The following MDN1 variants were observed in gnomAD, a reference collection of about 807,000 sequenced individuals.
MDN1 encodes midasin AAA ATPase 1, also known as midasin.
A neutral mutation model predicts 669.2 loss-of-function variants in MDN1; 266 were observed. That is an observed-to-expected ratio of 0.40 (90% CI 0.36 to 0.44). The LOEUF is 0.44. Among genes scored for constraint, MDN1 ranks in the 20% least tolerant of loss-of-function variants. The pLI is 1.00. For missense variants in MDN1, 5,940 were observed against 6,754.0 expected (o/e 0.88, Z 4.22); for synonymous variants, 2,385 against 2,457.1 (o/e 0.97, Z 0.87).
intron 37 of MDN1, among the ~76,000 whole-genome samples, chr6:89,726,479 A>C (rs1176563000): frequency 7.0e-6 from 1 of 142,892 alleles, no homozygotes; most frequent in East Asian, 2.1e-4. Context: ...AAAAAGAAAA[A>C]TAGAAAAAAA....
chr6:89,786,206 C>T (rs1467407860), intron 8 of MDN1, among the ~76,000 whole-genome samples: 2 of 152,026 alleles, frequency 1.3e-5, no homozygotes, highest in Non-Finnish European at 2.9e-5. Context: ...TTGCAGTGAG[C>T]CAAATCATGC....
rs370736635 is a variant in MDN1, at chr6:89,758,867, A to G, written c.2554T>C (p.Leu852=). 1.9e-6 allele frequency: 3 copies of G among 1,614,052 alleles called. No individual in the cohort carries two copies. The African/African-American group carries it at 4.0e-5, about 22-fold the overall frequency. ...AGGGATCCAGAAGATCCTTCAAGCA[A>G]ACCACTCAGACATTCTAGTATTTCT... ...APEILECLSG[L]LEGSSGSLVL... The change falls in exon 18 of 102, where the codon TTG becomes CTG. Residue 852 remains leucine (L), a synonymous_variant. Transcript: ENST00000369393.
chr6:89,673,133 T>A (rs966108876), intron 80 of MDN1, 103 bp downstream of exon 80: 2 of 1,057,806 alleles, frequency 1.9e-6, no homozygotes, highest in African/African-American at 3.1e-5. Flanking sequence ...GACAGGTACA[T>A]GTAGACCAAA....
chr6:89,654,133 T>C (rs1440006200), intron 93 of MDN1, 31 bp downstream of exon 93: 2 of 1,612,712 alleles, frequency 1.2e-6, no homozygotes, highest in South Asian at 2.2e-5. Flanking sequence ...TCAGAGCGCC[T>C]GGGAAGGGTT....
Position 89,747,346 on chromosome 6 carries a change from T to C in MDN1, c.3887A>G (p.Gln1296Arg), listed in dbSNP as rs762328843. The change falls in exon 27 of 102, where the codon CAG (glutamine) becomes CGG (arginine). Residue 1296 changes from glutamine to arginine, a missense_variant. Physicochemically the swap from Gln to Arg is conservative, Grantham distance 43. This residue lies in a region of MDN1 where 2,292 missense variants were observed against 2,638.3 expected (regional missense o/e 0.87). Coordinates refer to ENST00000369393, the MANE Select transcript of MDN1 (RefSeq NM_014611.3). ...EPTEKEYDWL[Q>R]HLANDGYMLL... Reference sequence around the variant, plus strand: ...AAACACACCATCATTGGCTAAATGCTGTAGCCAGTCATACTCCTTCTCGGT... The same window carrying C: ...AAACACACCATCATTGGCTAAATGCCGTAGCCAGTCATACTCCTTCTCGGT... 13 of 1,613,868 alleles carry C rather than the reference T, an allele frequency of 8.1e-6. No individual in the cohort carries two copies. The South Asian group carries it at 1.1e-4, about 14-fold the overall frequency.
intron 82 of MDN1, among the ~76,000 whole-genome samples, chr6:89,671,789 AG>A (rs1810792765): frequency 6.6e-6 from 1 of 152,258 alleles, no homozygotes; most frequent in South Asian, 2.1e-4. Context: ...CTGCAAAGTA[AG>A]TTGCTTCTCT....
intron 85 of MDN1, among the ~76,000 whole-genome samples, chr6:89,663,394 T>G (rs1450559546): frequency 1.3e-5 from 2 of 152,192 alleles, no homozygotes; most frequent in Non-Finnish European, 2.9e-5. Context: ...TGTCTTCATT[T>G]GTCTTTGCAC....
In MDN1 at chr6:89,690,787, C is replaced by T; in HGVS notation, c.10635G>A (p.Lys3545=). ...TATACAGGCCGCTTTCCTGCTCAGC[C>T]TTCTCTTGGGCTATGCGTTCCTGCT... ...WDEQERIAQE[K]AEQESGLYRY... is the part of the protein sequence containing the mutation. The change falls in exon 64 of 102, where the codon AAG becomes AAA. Residue 3545 remains lysine, a synonymous_variant. Coordinates refer to ENST00000369393, the MANE Select transcript of MDN1 (RefSeq NM_014611.3). 1 of 1,614,148 alleles carries T rather than the reference C, an allele frequency of 6.2e-7. No homozygotes were observed. Among genetic ancestry groups the T allele is most frequent in the Non-Finnish European group, 8.5e-7 (1 of 1,180,024 alleles).
intron 29 of MDN1, 33 bp from the exon 30 acceptor site, chr6:89,743,747 T>A: frequency 1.3e-6 from 2 of 1,598,412 alleles, no homozygotes; most frequent in Non-Finnish European, 1.7e-6. Flanking sequence ...TAACAAGGCA[T>A]GTGTTTCAAA....
At chr6:89,697,708 A>G (rs1009177144) in intron 59 of MDN1, among the ~76,000 whole-genome samples, 6 of 151,948 alleles carry the variant, frequency 3.9e-5, no homozygotes, top group African/African-American at 1.5e-4. Flanking sequence ...CAGCCTCCCA[A>G]GTAGCTGGGA....
intron 11 of MDN1, among the ~76,000 whole-genome samples, chr6:89,779,211 T>C (rs1818516952): frequency 1.3e-5 from 2 of 152,184 alleles, no homozygotes; most frequent in Non-Finnish European, 2.9e-5. Flanking sequence ...GGTCTCAAAT[T>C]CAGTAGAAAT....
chr6:89,794,448 C>T (rs1243696276), intron 3 of MDN1, 129 bp downstream of exon 3: 2 of 905,182 alleles, frequency 2.2e-6, no homozygotes, highest in Non-Finnish European at 3.4e-6. Context: ...GGAAGTAAAA[C>T]CCCAAAAGCC....
intron 44 of MDN1, among the ~76,000 whole-genome samples, chr6:89,716,201 A>G (rs1470345336): frequency 6.6e-6 from 1 of 152,222 alleles, no homozygotes; most frequent in Non-Finnish European, 1.5e-5. Context: ...TATATGTACA[A>G]TAGTTTCACA....
At chr6:89,694,002 C>T in intron 62 of MDN1, 72 bp downstream of exon 62, 3 of 1,238,236 alleles carry the variant, frequency 2.4e-6, no homozygotes, top group Non-Finnish European at 3.6e-6. Flanking sequence ...CACTTCTACT[C>T]ACACCATAAC....
At chr6:89,670,170 ATTTT>A (rs766450069) in intron 83 of MDN1, among the ~76,000 whole-genome samples, 6 of 23,412 alleles carry the variant, frequency 2.6e-4, no homozygotes, top group South Asian at 2.3e-3. Flanking sequence ...ATATATATAT[ATTTT>A]TTTTTTTTTT....
Position 89,747,312 on chromosome 6 carries a change from T to C in MDN1, c.3904+17A>G. ...TTAACATAACTATATATTGAGAGCA[T>C]TTGATTGAAAACACACCATCATTGG... On this transcript the variant is annotated intron_variant, in intron 27 of 101. Transcript: ENST00000369393. The C allele has an allele frequency of 6.2e-7, 1 of 1,605,842 alleles. No homozygotes were observed. Among genetic ancestry groups the C allele is most frequent in the Non-Finnish European group, 8.5e-7 (1 of 1,178,154 alleles).
At chr6:89,700,523 G>T in intron 56 of MDN1, 123 bp downstream of exon 56, 1 of 877,618 alleles carries the variant, frequency 1.1e-6, no homozygotes, top group Middle Eastern at 2.8e-4. Flanking sequence ...CTTATATAAA[G>T]GTATATAAAC....
At position 89,794,964 on chromosome 6, in the gene MDN1, G is replaced by A. The variant is rs554541921; in HGVS notation, c.330-163C>T. 5.9e-5 allele frequency among the ~76,000 whole-genome samples: 9 copies of A among 152,262 alleles called. No homozygotes were observed. The East Asian group carries it at 1.2e-3, about 20-fold the overall frequency. On this transcript the variant is annotated intron_variant, in intron 2 of 101. Transcript: ENST00000369393. ...TTGATTGGTGGGAATATCATAGAAC[G>A]CAATTCTCTACTCTGACCAAACCAC...
Position 89,648,150 on chromosome 6 carries a change from G to C in MDN1, c.16281-4C>G. On this transcript the variant is annotated splice_polypyrimidine_tract_variant and splice_region_variant and intron_variant, in intron 98 of 101. Coordinates refer to ENST00000369393, the MANE Select transcript of MDN1 (RefSeq NM_014611.3). ...CAGCTTTACAGATTCTCCAAAACTT[G>C]GGGGAGGAAAACCAAATACAACAGG... The C allele has an allele frequency of 1.9e-6, 3 of 1,612,324 alleles. No individual in the cohort carries two copies. The highest frequency in any genetic ancestry group is 1.7e-6 in the Non-Finnish European group (2 of 1,178,394).
Sources: gnomAD v4.1 joint callset for allele counts (sites outside exome capture counted in the v4.1 genomes callset) on GRCh38, gnomAD v4.1.1 for gene constraint, gnomAD v4.1.1 regional missense constraint, MANE v1.5 for transcripts, NCBI Gene and HGNC (gene_info 2026-07-23, HGNC 2026-07-21) for gene names.